The following GNG4 variants were observed in gnomAD, a reference collection of about 807,000 sequenced individuals.
GNG4 encodes guanine nucleotide-binding protein G(I)/G(S)/G(O) subunit gamma-4.
Under a neutral mutation model 5.8 loss-of-function variants are expected in GNG4, and 4 were observed. The ratio of observed to expected loss-of-function variants is 0.69; its 90% confidence interval spans 0.34 to 1.57. The LOEUF is 1.57. Ranked by LOEUF, GNG4 falls within the 40% of genes most tolerant of loss-of-function variation. The probability of loss-of-function intolerance (pLI) is 0.06; values close to 1 mark genes in which losing one functional copy is unlikely to be tolerated. For missense variants in GNG4, 96 were observed against 95.1 expected (o/e 1.01, Z -0.04); for synonymous variants, 29 against 32.9 (o/e 0.88, Z 0.41).
At chr1:235,639,944 A>C (rs1177202043) in intron 1 of GNG4, among the ~76,000 whole-genome samples, 1 of 152,174 alleles carries the variant, frequency 6.6e-6, no homozygotes, top group Non-Finnish European at 1.5e-5. Context: ...TGGACGGCTC[A>C]TGGGTGAAGG....
At chr1:235,591,029 G>T (rs957798522) in intron 2 of GNG4, among the ~76,000 whole-genome samples, 6 of 152,178 alleles carry the variant, frequency 3.9e-5, no homozygotes, top group African/African-American at 1.4e-4. Flanking sequence ...TGAGGCTGCT[G>T]GTCCACGGAC....
intron 3 of GNG4, among the ~76,000 whole-genome samples, chr1:235,562,647 G>GAAAAAAAAAAAGAA (rs754170449): frequency 0.052 from 1,115 of 21,582 alleles, 8 homozygotes; most frequent in Non-Finnish European, 0.089. Flanking sequence ...TCTGTCTCAA[G>GAAAAAAAAAAAGAA]AAAAAAAAAA....
intron 1 of GNG4, among the ~76,000 whole-genome samples, chr1:235,602,818 C>T (rs1224434314): frequency 2.6e-5 from 4 of 152,162 alleles, no homozygotes; most frequent in African/African-American, 7.2e-5. Flanking sequence ...TAGCGTTCAT[C>T]GTGAGCATTA....
chr1:235,633,013 C>G, intron 1 of GNG4, among the ~76,000 whole-genome samples: 1 of 152,082 alleles, frequency 6.6e-6, no homozygotes, highest in Admixed American at 6.6e-5. Context: ...GGTGGTTATT[C>G]AGACCTTGCA....
intron 1 of GNG4, among the ~76,000 whole-genome samples, chr1:235,601,671 T>A (rs59867624): frequency 0.24 from 36,962 of 152,062 alleles, 5,091 homozygotes; most frequent in South Asian, 0.32. Flanking sequence ...CCTGGATAGA[T>A]ATTCCCCAGG....
intron 2 of GNG4, among the ~76,000 whole-genome samples, chr1:235,584,949 A>G (rs180811357): frequency 1.8e-4 from 28 of 152,332 alleles, no homozygotes; most frequent in African/African-American, 6.7e-4. Flanking sequence ...GTAAAGCAGC[A>G]ACCATACTTT....
chr1:235,602,258 C>T (rs1214647682), intron 1 of GNG4, among the ~76,000 whole-genome samples: 4 of 151,958 alleles, frequency 2.6e-5, no homozygotes, highest in Admixed American at 2.0e-4. Context: ...GTCCACAGAG[C>T]GAGACCCGAT....
At position 235,649,387 on chromosome 1, in the gene GNG4, G is replaced by T. The variant is rs567973027; in HGVS notation, c.-123+275C>A. ...ATGCCGGAGGGACCGGGCGCCCCCAGCCCCGGAAGCCCCTGGACGCGCTCC... is the reference window on the plus strand; with the variant it reads ...ATGCCGGAGGGACCGGGCGCCCCCATCCCCGGAAGCCCCTGGACGCGCTCC... On this transcript the variant is annotated intron_variant, in intron 1 of 3. Transcript: ENST00000391854. The surrounding 1 kb of genome is among the most constrained non-coding windows in gnomAD (Gnocchi z 5.7). 1.1e-4 allele frequency among the ~76,000 whole-genome samples: 17 copies of T among 152,180 alleles called. No individual in the cohort carries two copies. The highest frequency in any genetic ancestry group is 3.4e-4 in the African/African-American group (14 of 41,532).
intron 1 of GNG4, among the ~76,000 whole-genome samples, chr1:235,612,679 C>G (rs531305606): frequency 6.6e-6 from 1 of 152,026 alleles, no homozygotes; most frequent in Non-Finnish European, 1.5e-5. Context: ...CACGCCACTA[C>G]GCCTGGCTAA....
chr1:235,578,441 C>T (rs988899142), intron 3 of GNG4, among the ~76,000 whole-genome samples: 3 of 152,034 alleles, frequency 2.0e-5, no homozygotes, highest in Admixed American at 2.0e-4. Flanking sequence ...CCCGAGGAGA[C>T]GAAATCAGTA....
At chr1:235,590,321 G>C (rs1397973728) in intron 2 of GNG4, among the ~76,000 whole-genome samples, 3 of 152,154 alleles carry the variant, frequency 2.0e-5, no homozygotes, top group African/African-American at 7.2e-5. Flanking sequence ...CAGGCATGGT[G>C]GTGGGTGCCT....
At chr1:235,593,080 T>C (rs1688019418) in intron 2 of GNG4, among the ~76,000 whole-genome samples, 1 of 152,042 alleles carries the variant, frequency 6.6e-6, no homozygotes, top group East Asian at 1.9e-4. Flanking sequence ...TCCTGAGTAG[T>C]TGGGATTACA....
intron 2 of GNG4, among the ~76,000 whole-genome samples, chr1:235,593,067 G>C (rs1688018701): frequency 6.6e-6 from 1 of 151,702 alleles, no homozygotes; most frequent in Non-Finnish European, 1.5e-5. Context: ...TTCTGCCTCA[G>C]CCTCCTGAGT....
intron 3 of GNG4, among the ~76,000 whole-genome samples, chr1:235,580,239 C>T (rs1217300679): frequency 2.6e-5 from 4 of 152,124 alleles, no homozygotes; most frequent in African/African-American, 7.2e-5. Flanking sequence ...AAAGGTAGAA[C>T]GGTGGTCACC....
intron 3 of GNG4, among the ~76,000 whole-genome samples, chr1:235,553,515 C>T (rs1021154282): frequency 6.6e-6 from 1 of 152,226 alleles, no homozygotes; most frequent in Admixed American, 6.5e-5. Context: ...TCCAGCTACA[C>T]AGGCCATACA....
In GNG4 at chr1:235,639,496, G is replaced by T. The variant is rs572247003; in HGVS notation, c.-123+10166C>A. On this transcript the variant is annotated intron_variant, in intron 1 of 3. Transcript: ENST00000391854. Reference sequence around the variant, plus strand: ...TGCCTTCCCTGTCCTTCTGGGCCGGGCTTGGTGTCCTTCTGTGTTGAGGTG... The same window carrying T: ...TGCCTTCCCTGTCCTTCTGGGCCGGTCTTGGTGTCCTTCTGTGTTGAGGTG... Among the ~76,000 whole-genome samples, 60 of 152,250 alleles carry T rather than the reference G, an allele frequency of 3.9e-4. 1 individual carries two copies. In the South Asian group the frequency reaches 0.011, roughly 28 times the overall value.
chr1:235,557,696 G>A (rs1572609406), intron 3 of GNG4, among the ~76,000 whole-genome samples: 1 of 152,142 alleles, frequency 6.6e-6, no homozygotes, highest in African/African-American at 2.4e-5. Flanking sequence ...TCAAGGGGGC[G>A]CCTCACTGGG....
chr1:235,579,070 C>G (rs1219417942), intron 3 of GNG4, among the ~76,000 whole-genome samples: 1 of 147,756 alleles, frequency 6.8e-6, no homozygotes, highest in Non-Finnish European at 1.5e-5. Context: ...GCACTCCAGC[C>G]TGGGTGACAG....
At chr1:235,626,681 G>A (rs987827795) in intron 1 of GNG4, among the ~76,000 whole-genome samples, 4 of 152,040 alleles carry the variant, frequency 2.6e-5, no homozygotes, top group Non-Finnish European at 4.4e-5. Flanking sequence ...ACACCAGGCC[G>A]GGCACGGTGG....
Sources: allele counts gnomAD v4.1 joint callset (sites outside exome capture counted in the v4.1 genomes callset), GRCh38; gene constraint gnomAD v4.1.1; non-coding constraint Gnocchi (gnomAD v3.1); transcripts MANE v1.5; gene names NCBI Gene and HGNC (gene_info 2026-07-23, HGNC 2026-07-21).